GDPD1: variants seen among roughly 807,000 people sequenced by gnomAD.
GDPD1 encodes glycerophosphodiester phosphodiesterase domain containing 1, also known as lysophospholipase D GDPD1.
In GDPD1, 28 loss-of-function variants were observed where a neutral mutation model predicts 45.1. The ratio of observed to expected loss-of-function variants is 0.62; its 90% CI spans 0.46 to 0.85. The LOEUF (loss-of-function observed/expected upper bound fraction) is 0.85. Ranked by LOEUF, GDPD1 falls within the 40% of genes least tolerant of loss-of-function variation. GDPD1 has a pLI of 0.00. For synonymous variants in GDPD1, 139 were observed against 131.4 expected, an observed-to-expected ratio of 1.06 and a Z score of -0.40; for missense variants, 256 against 364.8, an observed-to-expected ratio of 0.70 and a Z score of 2.43.
chr17:59,240,319 T>C (rs1191292493), intron 2 of GDPD1, among the ~76,000 whole-genome samples: 1 of 151,208 alleles, frequency 6.6e-6, no homozygotes, highest in African/African-American at 2.5e-5. Context: ...TTTAAAAATG[T>C]TAAATAGAAA....
intron 1 of GDPD1, among the ~76,000 whole-genome samples, chr17:59,232,586 C>G (rs1347119371): frequency 1.3e-5 from 2 of 152,146 alleles, no homozygotes; most frequent in East Asian, 3.9e-4. Context: ...TCAAGGTGAT[C>G]ATGATAATAG....
intron 4 of GDPD1, among the ~76,000 whole-genome samples, chr17:59,252,012 GAGAAA>G (rs931950963): frequency 6.2e-5 from 6 of 96,792 alleles, no homozygotes; most frequent in African/African-American, 2.9e-4. Context: ...AAAAAAAAAA[GAGAAA>G]AGAAAAGAAA....
At chr17:59,231,660 A>C (rs2147876689) in intron 1 of GDPD1, among the ~76,000 whole-genome samples, 1 of 151,992 alleles carries the variant, frequency 6.6e-6, no homozygotes, top group South Asian at 2.1e-4. Context: ...TGATAAACAG[A>C]GGTGTGGGTG....
chr17:59,255,051 C>A (rs1288330447), intron 4 of GDPD1, among the ~76,000 whole-genome samples: 1 of 152,062 alleles, frequency 6.6e-6, no homozygotes, highest in African/African-American at 2.4e-5. Flanking sequence ...CTTTTTTTCC[C>A]CTTTAATGTA....
chr17:59,272,474 C>T (rs970883554), intron 8 of GDPD1, among the ~76,000 whole-genome samples: 4 of 152,182 alleles, frequency 2.6e-5, no homozygotes, highest in African/African-American at 9.7e-5. Flanking sequence ...GCTCTTTCTC[C>T]TTCTTCAGCA....
intron 1 of GDPD1, among the ~76,000 whole-genome samples, chr17:59,232,792 A>C (rs1166178571): frequency 1.3e-5 from 2 of 152,198 alleles, no homozygotes; most frequent in African/African-American, 4.8e-5. Context: ...ACTCTGGAGG[A>C]AACATTTTAA....
intron 1 of GDPD1, among the ~76,000 whole-genome samples, chr17:59,233,345 C>G (rs1330365373): frequency 1.3e-5 from 2 of 151,966 alleles, no homozygotes; most frequent in African/African-American, 2.4e-5. Flanking sequence ...AACCCCGTCT[C>G]TACTAAAAAA....
At chr17:59,266,916 A>G (rs1209509513) in intron 6 of GDPD1, 125 bp from the exon 7 acceptor site, 2 of 785,494 alleles carry the variant, frequency 2.5e-6, no homozygotes, top group African/African-American at 1.7e-5. Context: ...ATGAATATTC[A>G]TAATCCCAGG....
At chr17:59,245,970 A>C (rs1306131398) in intron 3 of GDPD1, among the ~76,000 whole-genome samples, 2 of 151,798 alleles carry the variant, frequency 1.3e-5, no homozygotes, top group African/African-American at 2.4e-5. Flanking sequence ...AAAAATACAA[A>C]AATTAGCCAG....
intron 7 of GDPD1, among the ~76,000 whole-genome samples, chr17:59,268,593 A>AAAG (rs1555725448): frequency 6.7e-6 from 1 of 149,578 alleles, no homozygotes; most frequent in African/African-American, 2.5e-5. Flanking sequence ...AAAAAAAAAA[A>AAAG]AAAAAAAAAG....
At chr17:59,245,749 C>G (rs2047205757) in intron 3 of GDPD1, among the ~76,000 whole-genome samples, 200 bp downstream of exon 3, 1 of 152,096 alleles carries the variant, frequency 6.6e-6, no homozygotes, top group Non-Finnish European at 1.5e-5. Context: ...CTTTGGGAGG[C>G]TGAGATGGGA....
chr17:59,245,687 TA>T (rs201170010), intron 3 of GDPD1, 138 bp downstream of exon 3: 1 of 651,776 alleles, frequency 1.5e-6, no homozygotes, highest in East Asian at 3.0e-5. Context: ...AAGGAAATTT[TA>T]AAAAACTACT....
intron 6 of GDPD1, among the ~76,000 whole-genome samples, chr17:59,266,247 G>A (rs1275491151): frequency 2.0e-5 from 3 of 151,888 alleles, no homozygotes; most frequent in Non-Finnish European, 4.4e-5. Context: ...AATTAGCTGG[G>A]CATGGTGGTG....
At position 59,267,048 on chromosome 17, in the gene GDPD1, A is replaced by G; in HGVS notation, c.584A>G (p.Asp195Gly). ...ATTGCTTGTGTCTTTTAGAATTCAG[A>G]TATTCCTATACTCTTCAGTCTACAA... ...IVEKCYKENSDIPILFSLQRV... is the reference protein window; with the variant it reads ...IVEKCYKENSGIPILFSLQRV... The change falls in exon 7 of 10, where the codon GAT becomes GGT. Residue 195 changes from aspartate to glycine, a missense_variant. Physicochemically the swap from Asp to Gly is moderately conservative, Grantham distance 94. Coordinates refer to ENST00000284116, the MANE Select transcript of GDPD1 (RefSeq NM_182569.4). The G allele has an allele frequency of 6.2e-7, 1 of 1,607,280 alleles. No homozygotes were observed. The highest frequency in any genetic ancestry group is 8.5e-7 in the Non-Finnish European group (1 of 1,176,674).
intron 1 of GDPD1, among the ~76,000 whole-genome samples, chr17:59,222,811 T>C (rs2047017121): frequency 6.6e-6 from 1 of 152,174 alleles, no homozygotes; most frequent in African/African-American, 2.4e-5. Context: ...CACTGCACCC[T>C]GCCAGAGGCA....
At chr17:59,269,698 C>A (rs1444194256) in intron 7 of GDPD1, among the ~76,000 whole-genome samples, 1 of 151,984 alleles carries the variant, frequency 6.6e-6, no homozygotes, top group African/African-American at 2.4e-5. Flanking sequence ...TGGCGCACAT[C>A]TGTAATCCCA....
chr17:59,258,632 A>G (rs1175487015), intron 6 of GDPD1, among the ~76,000 whole-genome samples: 3 of 152,196 alleles, frequency 2.0e-5, no homozygotes, highest in Admixed American at 1.3e-4. Context: ...GAAGTTTAAT[A>G]TAGTAGAGAT....
chr17:59,260,059 TCAAAAAAAAA>T (rs2047342675), intron 6 of GDPD1, among the ~76,000 whole-genome samples: 1 of 14,044 alleles, frequency 7.1e-5, no homozygotes. Context: ...AGACCCTGTC[TCAAAAAAAAA>T]AAAAAAAAAA....
At position 59,273,869 on chromosome 17, in the gene GDPD1, AG is replaced by A; in HGVS notation, c.*98del. The A allele has an allele frequency of 7.6e-7, 1 of 1,323,698 alleles. No homozygotes were observed. Among genetic ancestry groups the A allele is most frequent in the South Asian group, 2.2e-5 (1 of 44,782 alleles). The allele number at this position is 1,323,698 out of a possible 1,614,324, so 82.0% of individuals were successfully genotyped here. Reference sequence around the variant, plus strand: ...CCTAAGCCATTTCCAGAATGGTAAAAGGTTTAATCAGTTTTTATTACCTCAT... The same window carrying A: ...CCTAAGCCATTTCCAGAATGGTAAAAGTTTAATCAGTTTTTATTACCTCAT... On this transcript the variant is annotated 3_prime_UTR_variant, in exon 10 of 10. Coordinates refer to ENST00000284116, the MANE Select transcript of GDPD1 (RefSeq NM_182569.4).
Sources: gnomAD v4.1 joint callset for allele counts (sites outside exome capture counted in the v4.1 genomes callset) on GRCh38, gnomAD v4.1.1 for gene constraint, MANE v1.5 for transcripts, NCBI Gene and HGNC (gene_info 2026-07-23, HGNC 2026-07-21) for gene names.